Variants in DOCK9 observed in about 807,000 individuals in gnomAD.
DOCK9 encodes dedicator of cytokinesis protein 9.
A neutral mutation model predicts 263.3 loss-of-function variants in DOCK9; 89 were observed. That is an observed-to-expected ratio of 0.34 (90% confidence interval 0.28 to 0.40). The LOEUF is 0.40. DOCK9 is among the 10% of genes least tolerant of loss of function. The pLI, the probability that DOCK9 is intolerant of heterozygous loss-of-function variation, is 1.00. For missense variants in DOCK9, 2,140 were observed against 2,603.4 expected (o/e 0.82, Z 3.87); for synonymous variants, 976 against 973.1 (o/e 1.00, Z -0.06).
At chr13:99,060,809 A>T (rs1417793233) in intron 1 of DOCK9, among the ~76,000 whole-genome samples, 1 of 152,188 alleles carries the variant, frequency 6.6e-6, no homozygotes, top group Non-Finnish European at 1.5e-5. Context: ...TTAGGTCCTG[A>T]CCAGACTGTA....
intron 47 of DOCK9, chr13:98,808,694 C>T: frequency 6.5e-7 from 1 of 1,533,200 alleles, no homozygotes; most frequent in Non-Finnish European, 9.0e-7. Flanking sequence ...TTATAAAAGA[C>T]AATAACAGAA....
chr13:99,023,854 A>C (rs1437871599), intron 1 of DOCK9, among the ~76,000 whole-genome samples: 4 of 152,190 alleles, frequency 2.6e-5, no homozygotes, highest in Admixed American at 2.6e-4. Flanking sequence ...ACTGCATTGC[A>C]CTTCCTAGAA....
intron 27 of DOCK9, among the ~76,000 whole-genome samples, chr13:98,877,424 G>A (rs1331133896): frequency 2.6e-5 from 4 of 152,148 alleles, no homozygotes; most frequent in African/African-American, 9.7e-5. Flanking sequence ...ATGTATTCCT[G>A]GAAGTGTTCG....
At chr13:99,066,617 T>C (rs2041430501) in intron 1 of DOCK9, among the ~76,000 whole-genome samples, 1 of 151,912 alleles carries the variant, frequency 6.6e-6, no homozygotes, top group Non-Finnish European at 1.5e-5. Context: ...TCCTTGCATA[T>C]TTTGGGGATC....
rs571826257 is a variant in DOCK9, at chr13:98,805,226, A to G, written c.5515-17T>C. 2.0e-5 allele frequency: 32 copies of G among 1,568,404 alleles called. No individual in the cohort carries two copies. The East Asian group carries it at 4.3e-4, about 21-fold the overall frequency. ...AGGGTTGACCTTTAATTGAAACAGC[A>G]CAATGGGAGATTGGTGCTCCATGAA... On this transcript the variant is annotated splice_polypyrimidine_tract_variant and intron_variant, in intron 48 of 52. Transcript: ENST00000682017.
At position 99,079,663 on chromosome 13, in the gene DOCK9, C is replaced by G. The variant is rs2142458763; in HGVS notation, c.129+6560G>C. Among the ~76,000 whole-genome samples, 2 of 152,326 alleles carry G rather than the reference C, an allele frequency of 1.3e-5. 1 individual carries two copies. Among genetic ancestry groups the G allele is most frequent in the South Asian group, 4.1e-4 (2 of 4,826 alleles). Reference sequence around the variant, plus strand: ...TCGGGCAACGTATGTTGCTCGAAGTCCTCAGCCAATCAGTGGCAAAGCCAA... The same window carrying G: ...TCGGGCAACGTATGTTGCTCGAAGTGCTCAGCCAATCAGTGGCAAAGCCAA... On this transcript the variant is annotated intron_variant, in intron 1 of 32. Coordinates refer to the DOCK9 transcript ENST00000427887.
At chr13:99,087,107 T>G (rs1447870470), upstream of DOCK9, among the ~76,000 whole-genome samples, 4 of 151,734 alleles carry the variant, frequency 2.6e-5, no homozygotes, top group African/African-American at 9.7e-5. Context: ...AGCCTTTATT[T>G]ATGTGGCACC....
At chr13:99,044,888 A>G (rs150460793) in intron 1 of DOCK9, among the ~76,000 whole-genome samples, 4,205 of 152,294 alleles carry the variant, frequency 0.028, 95 homozygotes, top group South Asian at 0.062. Flanking sequence ...TCTCAGGAGC[A>G]GGACAGGATT....
At position 98,923,298 on chromosome 13, in the gene DOCK9, C is replaced by A; in HGVS notation, c.486+4G>T. 1 of 1,612,590 alleles carries A rather than the reference C, an allele frequency of 6.2e-7. No individual in the cohort carries two copies. Among genetic ancestry groups the A allele is most frequent in the Non-Finnish European group, 8.5e-7 (1 of 1,178,758 alleles). Reference sequence around the variant, plus strand: ...AGAGAAGCAACAGCAAGCAGGTATCCCACCTCATCTTTGTCGACCTCCTCG... The same window carrying A: ...AGAGAAGCAACAGCAAGCAGGTATCACACCTCATCTTTGTCGACCTCCTCG... On this transcript the variant is annotated splice_donor_region_variant and intron_variant, in intron 5 of 52. Transcript: ENST00000682017.
At chr13:98,909,399 G>A (rs1452245177) in intron 9 of DOCK9, among the ~76,000 whole-genome samples, 1 of 152,138 alleles carries the variant, frequency 6.6e-6, no homozygotes, top group African/African-American at 2.4e-5. Context: ...ATTTATTTGC[G>A]AGTAGATAAA....
At chr13:99,026,885 C>T (rs572141885) in intron 1 of DOCK9, among the ~76,000 whole-genome samples, 1 of 151,712 alleles carries the variant, frequency 6.6e-6, no homozygotes, top group Non-Finnish European at 1.5e-5. Flanking sequence ...ACATAAAGAG[C>T]ACAGTGCAGA....
chr13:98,883,762 C>A, intron 22 of DOCK9, 51 bp downstream of exon 22: 1 of 1,290,484 alleles, frequency 7.7e-7, no homozygotes, highest in Non-Finnish European at 1.1e-6. Flanking sequence ...CAAAATGGTG[C>A]AAACTTTGTC....
In DOCK9 at chr13:98,795,916, C is replaced by A. The variant is rs535123861; in HGVS notation, c.6157-1168G>T. Among the ~76,000 whole-genome samples, 5 of 152,062 alleles carry A rather than the reference C, an allele frequency of 3.3e-5. No individual in the cohort carries two copies. In the South Asian group the frequency reaches 1.0e-3, roughly 32 times the overall value. ...TGAGACTAGGGTATGTGCCACTACA[C>A]CCAGCTAATTTTTGTATTTTTTAGT... On this transcript the variant is annotated intron_variant, in intron 52 of 52. Transcript: ENST00000682017.
intron 1 of DOCK9, among the ~76,000 whole-genome samples, chr13:98,959,231 A>G (rs1466729651): frequency 6.6e-6 from 1 of 152,246 alleles, no homozygotes; most frequent in African/African-American, 2.4e-5. Flanking sequence ...GCAATACTCA[A>G]CCATAGTAAA....
chr13:99,048,812 G>A (rs994944545), intron 1 of DOCK9, among the ~76,000 whole-genome samples: 4 of 152,086 alleles, frequency 2.6e-5, no homozygotes, highest in African/African-American at 7.2e-5. Flanking sequence ...ACCACTGCTC[G>A]GGACTTCCCA....
intron 35 of DOCK9, 27 bp from the exon 36 acceptor site, chr13:98,850,140 C>A: frequency 1.4e-6 from 2 of 1,388,108 alleles, no homozygotes; most frequent in South Asian, 1.5e-5. Flanking sequence ...TACTTAGAAT[C>A]ACAATACATA....
chr13:98,973,253 T>A (rs1428616567), intron 1 of DOCK9, among the ~76,000 whole-genome samples: 1 of 152,214 alleles, frequency 6.6e-6, no homozygotes, highest in Non-Finnish European at 1.5e-5. Flanking sequence ...TCACCTAAAG[T>A]CTAATTGAAA....
chr13:99,007,635 T>A (rs1883582650), intron 1 of DOCK9, among the ~76,000 whole-genome samples: 1 of 152,124 alleles, frequency 6.6e-6, no homozygotes, highest in Non-Finnish European at 1.5e-5. Flanking sequence ...GCCCCCACAA[T>A]GGAACATTTC....
intron 9 of DOCK9, among the ~76,000 whole-genome samples, chr13:98,909,433 G>A (rs2049654608): frequency 6.6e-6 from 1 of 152,182 alleles, no homozygotes; most frequent in Non-Finnish European, 1.5e-5. Flanking sequence ...AAAGATTATG[G>A]CCAACAGCAT....
Sources: gnomAD v4.1 joint callset for allele counts (sites outside exome capture counted in the v4.1 genomes callset) on GRCh38, gnomAD v4.1.1 for gene constraint, MANE v1.5 for transcripts, NCBI Gene and HGNC (gene_info 2026-07-23, HGNC 2026-07-21) for gene names.